The following PSMD14 variants were observed in gnomAD, a reference collection of about 807,000 sequenced individuals.
PSMD14 encodes the protein ubiquitin C-terminal hydrolase PSMD14.
A neutral mutation model predicts 41.2 loss-of-function variants in PSMD14; 7 were observed. The ratio of observed to expected loss-of-function variants is 0.17; its 90% CI spans 0.10 to 0.32. The LOEUF (loss-of-function observed/expected upper bound fraction) is 0.32, where lower values mean the gene tolerates loss of function less well. Among genes scored for constraint, PSMD14 ranks in the 10% least tolerant of loss-of-function variants. PSMD14 has a pLI of 1.00. For missense variants in PSMD14, 139 were observed against 375.6 expected (o/e 0.37, Z 5.21); for synonymous variants, 114 against 122.3 (o/e 0.93, Z 0.45).
At chr2:161,392,502 A>C (rs1288608832) in intron 9 of PSMD14, among the ~76,000 whole-genome samples, 5 of 152,090 alleles carry the variant, frequency 3.3e-5, no homozygotes. Flanking sequence ...TCTAATCTAT[A>C]TGCTGGGGGG....
intron 10 of PSMD14, among the ~76,000 whole-genome samples, chr2:161,396,941 C>T (rs944689446): frequency 1.3e-5 from 2 of 152,092 alleles, no homozygotes; most frequent in Admixed American, 6.5e-5. Context: ...GATTCTCCTG[C>T]CTCATCCTCC....
rs71281822 is a variant in PSMD14, at chr2:161,357,076, C to CTTTTTTTTTTTTTTTTT, written c.49-10390_49-10389insTTTTTTTTTTTTTTTTT. On this transcript the variant is annotated intron_variant, in intron 3 of 11. Transcript: ENST00000409682. ...TTTATGCTGTTATAATGGCAAATGC[C>CTTTTTTTTTTTTTTTTT]TTTTTTTTTTTTAGCACTTAGTCAA... is the stretch of plus-strand genomic sequence containing the variant. Among the ~76,000 whole-genome samples the CTTTTTTTTTTTTTTTTT allele has an allele frequency of 1.5e-4, 19 of 124,184 alleles. 2 individuals carry two copies. Among genetic ancestry groups the CTTTTTTTTTTTTTTTTT allele is most frequent in the African/African-American group, 2.9e-4 (9 of 31,484 alleles). 81.5% of individuals were successfully genotyped at this position (124,184 alleles called of 152,430 possible). A position where few individuals can be genotyped will look rare whatever the true frequency, so the allele number is the denominator to read the frequency against.
chr2:161,328,710 TATTTAAA>T (rs1449218280), intron 3 of PSMD14, among the ~76,000 whole-genome samples: 1 of 152,182 alleles, frequency 6.6e-6, no homozygotes, highest in Non-Finnish European at 1.5e-5. Flanking sequence ...TTTCTAATTT[TATTTAAA>T]TTTATATGGT....
chr2:161,408,970 G>T, intron 11 of PSMD14, 71 bp downstream of exon 11: 2 of 1,277,574 alleles, frequency 1.6e-6, no homozygotes, highest in East Asian at 2.5e-5. Flanking sequence ...ACTGTTTTAG[G>T]GCCTATATAA....
intron 3 of PSMD14, among the ~76,000 whole-genome samples, chr2:161,342,229 A>C (rs1320908299): frequency 2.0e-5 from 3 of 152,184 alleles, no homozygotes. Context: ...TCGTAGGGGG[A>C]AACATTCATT....
At chr2:161,359,024 A>G (rs1441010600) in intron 3 of PSMD14, among the ~76,000 whole-genome samples, 1 of 152,182 alleles carries the variant, frequency 6.6e-6, no homozygotes, top group Non-Finnish European at 1.5e-5. Flanking sequence ...TGGAATGTGC[A>G]GTGACACAAT....
chr2:161,401,778 C>CATTATTATTATT (rs34830575), intron 10 of PSMD14, among the ~76,000 whole-genome samples: 6 of 151,062 alleles, frequency 4.0e-5, no homozygotes, highest in Non-Finnish European at 5.9e-5. Context: ...ATGCATTTGA[C>CATTATTATTATT]ATTATTATTA....
chr2:161,369,302 A>G (rs1683400998), intron 5 of PSMD14, among the ~76,000 whole-genome samples: 1 of 152,064 alleles, frequency 6.6e-6, no homozygotes, highest in Non-Finnish European at 1.5e-5. Context: ...TTCTGACCCC[A>G]GAGTCAGTAA....
At chr2:161,321,178 A>C (rs1239743315) in intron 3 of PSMD14, among the ~76,000 whole-genome samples, 1 of 152,228 alleles carries the variant, frequency 6.6e-6, no homozygotes, top group Non-Finnish European at 1.5e-5. Context: ...CTTACCATTT[A>C]ATGGAAAAGG....
intron 7 of PSMD14, among the ~76,000 whole-genome samples, chr2:161,375,708 T>C (rs1683493503): frequency 1.3e-5 from 2 of 151,900 alleles, no homozygotes; most frequent in Admixed American, 6.6e-5. Flanking sequence ...GATGGGGCTT[T>C]GGAGAATAAA....
At chr2:161,364,372 G>C (rs1340733547) in intron 3 of PSMD14, among the ~76,000 whole-genome samples, 1 of 152,144 alleles carries the variant, frequency 6.6e-6, no homozygotes, top group East Asian at 1.9e-4. Context: ...GACACAGCAT[G>C]GGGGAGTGGC....
chr2:161,371,176 G>C lies in PSMD14; in HGVS notation c.316G>C (p.Glu106Gln). 1 of 1,612,472 alleles carries C rather than the reference G, an allele frequency of 6.2e-7. No individual in the cohort carries two copies. Among genetic ancestry groups the C allele is most frequent in the East Asian group, 2.2e-5 (1 of 44,820 alleles). The change falls in exon 7 of 12, where the codon GAG (glutamate) becomes CAG (glutamine). Residue 106 changes from glutamate to glutamine, a missense_variant. Coordinates refer to ENST00000409682, the MANE Select transcript of PSMD14 (RefSeq NM_005805.6). ...TGAATGCCCTCTTTGTTTCAGGCCGGAGATGGTTGTTGGTTGGTATCACAG... is the reference window on the plus strand; with the variant it reads ...TGAATGCCCTCTTTGTTTCAGGCCGCAGATGGTTGTTGGTTGGTATCACAG... ...LDMLKQTGRP[E>Q]MVVGWYHSHP...
intron 7 of PSMD14, chr2:161,383,341 A>G (rs1683592672): frequency 1.3e-5 from 2 of 152,086 alleles, no homozygotes; most frequent in African/African-American, 4.8e-5. Context: ...ATCTTAGTGT[A>G]AAGTAGTCAT....
chr2:161,411,207 C>A lies in PSMD14; in HGVS notation c.835-95C>A, dbSNP rs939826830. 45 of 638,936 alleles carry A rather than the reference C, an allele frequency of 7.0e-5. 1 individual carries two copies. Among genetic ancestry groups the A allele is most frequent in the African/African-American group, 5.9e-4 (31 of 52,662 alleles). The allele number at this position is 638,936 out of a possible 1,614,324, so 39.6% of individuals were successfully genotyped here. A position where few individuals can be genotyped will look rare whatever the true frequency, so the allele number is the denominator to read the frequency against. ...AAATATTTAAGTAAGGTCTGGCTTT[C>A]TTTACTAGTTTCATCAGCTACTGAA... On this transcript the variant is annotated intron_variant, in intron 11 of 11. Coordinates refer to ENST00000409682, the MANE Select transcript of PSMD14 (RefSeq NM_005805.6).
intron 8 of PSMD14, among the ~76,000 whole-genome samples, chr2:161,390,418 T>A (rs548705271): frequency 1.3e-5 from 2 of 152,136 alleles, no homozygotes; most frequent in African/African-American, 4.8e-5. Flanking sequence ...GAGTTAGATA[T>A]GGGGGCAGTT....
chr2:161,363,628 T>C lies in PSMD14; in HGVS notation c.49-3850T>C, dbSNP rs575200773. Among the ~76,000 whole-genome samples the C allele has an allele frequency of 2.0e-5, 3 of 152,314 alleles. No individual in the cohort carries two copies. The South Asian group carries it at 6.2e-4, about 32-fold the overall frequency. The stretch of plus-strand genomic sequence containing the variant: ...CCCAGGAGTGTTTGCCAAAAGATAA[T>C]GTATGTAGATGGTCCACAGCCCCAC... On this transcript the variant is annotated intron_variant, in intron 3 of 11. Transcript: ENST00000409682.
intron 10 of PSMD14, among the ~76,000 whole-genome samples, chr2:161,398,672 C>G (rs1259388808): frequency 6.6e-6 from 1 of 151,822 alleles, no homozygotes; most frequent in Non-Finnish European, 1.5e-5. Context: ...GCATGTAGTG[C>G]TATAAATTTG....
intron 7 of PSMD14, chr2:161,382,096 A>G (rs1683577382): frequency 6.6e-6 from 1 of 151,884 alleles, no homozygotes; most frequent in African/African-American, 2.4e-5. Context: ...AATTTGTCTG[A>G]TAACAGAAAG....
At chr2:161,408,975 A>G (rs1167183778) in intron 11 of PSMD14, 76 bp downstream of exon 11, 3 of 1,234,142 alleles carry the variant, frequency 2.4e-6, no homozygotes, top group South Asian at 1.4e-5. Flanking sequence ...TTTAGGGCCT[A>G]TATAATTTTT....
Sources: allele counts gnomAD v4.1 joint callset (sites outside exome capture counted in the v4.1 genomes callset), GRCh38; gene constraint gnomAD v4.1.1; transcripts MANE v1.5; gene names NCBI Gene and HGNC (gene_info 2026-07-23, HGNC 2026-07-21).